MGAT1: variants seen among roughly 807,000 people sequenced by gnomAD.
The protein encoded by MGAT1 is alpha-1,3-mannosyl-glycoprotein 2-beta-N-acetylglucosaminyltransferase, also known as N-glycosyl-oligosaccharide-glycoprotein N-acetylglucosaminyltransferase I.
MGAT1 carries 14 observed loss-of-function variants against 31.7 expected under a neutral mutation model. That is an observed-to-expected ratio of 0.44 (90% CI 0.29 to 0.69). MGAT1 has a LOEUF of 0.69. Ranked by LOEUF, MGAT1 falls within the 30% of genes least tolerant of loss-of-function variation. The pLI is 0.12. For missense variants in MGAT1, 557 were observed against 626.0 expected (o/e 0.89, Z 1.18); for synonymous variants, 338 against 276.0 (o/e 1.22, Z -2.23).
intron 1 of MGAT1, among the ~76,000 whole-genome samples, chr5:180,814,367 C>G (rs1772740702): frequency 6.6e-6 from 1 of 152,208 alleles, no homozygotes; most frequent in African/African-American, 2.4e-5. Flanking sequence ...GTCAACCGCT[C>G]CCTTCTTCTG....
At chr5:180,803,054 G>A (rs1408778069), upstream of MGAT1, among the ~76,000 whole-genome samples, 4 of 152,220 alleles carry the variant, frequency 2.6e-5, no homozygotes, top group African/African-American at 9.6e-5. Flanking sequence ...AACCCTGAGG[G>A]TGGACGCCCG....
intron 1 of MGAT1, among the ~76,000 whole-genome samples, chr5:180,811,686 T>C (rs2113610543): frequency 6.6e-6 from 1 of 152,224 alleles, no homozygotes; most frequent in East Asian, 1.9e-4. Flanking sequence ...GTCGCTGGGT[T>C]TCCGTACAGC....
rs1440962153 is a variant in MGAT1, at chr5:180,788,924, G to A, written c.*2710C>T. On this transcript the variant is annotated 3_prime_UTR_variant, in exon 2 of 2. Coordinates refer to ENST00000307826, the MANE Select transcript of MGAT1 (RefSeq NM_002406.4). ...ATGCACTTGGCTAGCTGCATGACAT[G>A]CTATGCGCATGGAGCGTGGCGGCCA... 2.0e-5 allele frequency: 3 copies of A among 152,288 alleles called. No individual in the cohort carries two copies. Among genetic ancestry groups the A allele is most frequent in the Non-Finnish European group, 4.4e-5 (3 of 68,092 alleles). The allele number at this position is 152,288 out of a possible 1,614,324, so 9.4% of individuals were successfully genotyped here.
chr5:180,792,389 G>GGCCCAGC lies in MGAT1; in HGVS notation c.576_582dup (p.Gln195AlafsTer19). The stretch of plus-strand genomic sequence containing the variant: ...GGGAAGCGAAACTGCCGGAAGACCT[G>GGCCCAGC]GCCCAGCGCCCAGCGGTAGTGGCGC... On this transcript the variant is annotated frameshift_variant, in exon 2 of 2. Transcript: ENST00000307826. LOFTEE classifies it high-confidence loss of function. 3 of 1,610,722 alleles carry GGCCCAGC rather than the reference G, an allele frequency of 1.9e-6. No homozygotes were observed. The highest frequency in any genetic ancestry group is 2.5e-6 in the Non-Finnish European group (3 of 1,177,960).
intron 1 of MGAT1, chr5:180,795,478 G>A (rs1238416179): frequency 6.6e-6 from 1 of 152,104 alleles, no homozygotes; most frequent in African/African-American, 2.4e-5. Context: ...AGTGATAACT[G>A]ATTAATTCCA....
At chr5:180,811,587 G>A (rs1371658837) in intron 1 of MGAT1, among the ~76,000 whole-genome samples, 1 of 150,128 alleles carries the variant, frequency 6.7e-6, no homozygotes, top group Non-Finnish European at 1.5e-5. Context: ...CCTTCAATCT[G>A]TGTCTAGGAT....
intron 1 of MGAT1, among the ~76,000 whole-genome samples, chr5:180,793,519 A>G (rs530249825): frequency 6.6e-6 from 1 of 152,328 alleles, no homozygotes; most frequent in East Asian, 1.9e-4. Flanking sequence ...GAGGCACCCC[A>G]CGAATGTCAG....
chr5:180,798,250 A>ATTTTCT (rs1178253511), intron 1 of MGAT1, among the ~76,000 whole-genome samples: 1 of 151,646 alleles, frequency 6.6e-6, no homozygotes, highest in Admixed American at 6.6e-5. Flanking sequence ...CTTTCTCCCC[A>ATTTTCT]TTTTCTTTGC....
In MGAT1 at chr5:180,789,890, A is replaced by T. The variant is rs1378631442; in HGVS notation, c.*1744T>A. ...CGTGATCCGTCCGCCTCAGCCTCCC[A>T]AAGTGCTGGGATTACATGTGTAAGC... On this transcript the variant is annotated 3_prime_UTR_variant, in exon 2 of 2. Transcript: ENST00000307826. 3.3e-5 allele frequency: 5 copies of T among 151,336 alleles called. No individual in the cohort carries two copies. Among genetic ancestry groups the T allele is most frequent in the African/African-American group, 7.3e-5 (3 of 41,352 alleles). The allele number at this position is 151,336 out of a possible 1,614,324, so 9.4% of individuals were successfully genotyped here.
chr5:180,794,642 G>A (rs1263159309), intron 1 of MGAT1, among the ~76,000 whole-genome samples: 4 of 152,066 alleles, frequency 2.6e-5, no homozygotes, highest in Non-Finnish European at 4.4e-5. Flanking sequence ...CTTGAATATG[G>A]TTTGTTCTCT....
upstream of MGAT1, among the ~76,000 whole-genome samples, chr5:180,806,747 C>T (rs903210647): frequency 1.3e-5 from 2 of 152,244 alleles, no homozygotes; most frequent in African/African-American, 4.8e-5. Flanking sequence ...ACAGACAAAA[C>T]AGATTGACTG....
In MGAT1 at chr5:180,790,346, C is replaced by T. The variant is rs932182153; in HGVS notation, c.*1288G>A. The T allele has an allele frequency of 6.6e-6, 1 of 152,476 alleles. No homozygotes were observed. Among genetic ancestry groups the T allele is most frequent in the African/African-American group, 2.4e-5 (1 of 41,456 alleles). 9.4% of individuals were successfully genotyped at this position (152,476 alleles called of 1,614,324 possible). On this transcript the variant is annotated 3_prime_UTR_variant, in exon 2 of 2. Transcript: ENST00000307826. ...GAGCACAGTCCGGGGCTCCTCTCCA[C>T]CTTGTGGCCTGGACTTCCTTTCCCA...
chr5:180,793,320 C>T (rs972061484), intron 1 of MGAT1, among the ~76,000 whole-genome samples: 1 of 152,102 alleles, frequency 6.6e-6, no homozygotes, highest in South Asian at 2.1e-4. Flanking sequence ...AGAAAAAGAA[C>T]CCCAACTCCC....
At chr5:180,805,983 T>G (rs374347675), upstream of MGAT1, among the ~76,000 whole-genome samples, 1 of 151,788 alleles carries the variant, frequency 6.6e-6, no homozygotes, top group African/African-American at 2.4e-5. Context: ...TATAAATAAT[T>G]AATTGAGTTA....
intron 1 of MGAT1, among the ~76,000 whole-genome samples, chr5:180,800,272 T>C: frequency 6.6e-6 from 1 of 152,222 alleles, no homozygotes; most frequent in Admixed American, 6.5e-5. Flanking sequence ...CCTTAGTAGG[T>C]ATCTACTCCT....
At position 180,788,571 on chromosome 5, in the gene MGAT1, C is replaced by G. The variant is rs1767739790; in HGVS notation, c.*3063G>C. The G allele has an allele frequency of 6.6e-6, 1 of 152,438 alleles. No homozygotes were observed. The highest frequency in any genetic ancestry group is 6.5e-5 in the Admixed American group (1 of 15,292). 9.4% of individuals were successfully genotyped at this position (152,438 alleles called of 1,614,324 possible). A position where few individuals can be genotyped will look rare whatever the true frequency, so the allele number is the denominator to read the frequency against. On this transcript the variant is annotated 3_prime_UTR_variant, in exon 2 of 2. Transcript: ENST00000307826. The stretch of plus-strand genomic sequence containing the variant: ...CTTGGGCAACTTCACCTCTGTGTGC[C>G]TGCTTCCTCACTGGTAAAACAGGAG...
chr5:180,794,400 AT>A lies in MGAT1; in HGVS notation c.-126-1304del, dbSNP rs888557253. Among the ~76,000 whole-genome samples the A allele has an allele frequency of 9.8e-5, 12 of 122,538 alleles. No homozygotes were observed. The South Asian group carries it at 1.9e-3, about 20-fold the overall frequency. 80.4% of individuals were successfully genotyped at this position (122,538 alleles called of 152,430 possible). A position where few individuals can be genotyped will look rare whatever the true frequency, so the allele number is the denominator to read the frequency against. ...GAGAGTGAGACTCTGTCTCAAAAAA[AT>A]TTTTTTTTATTATATATATATATAT... On this transcript the variant is annotated intron_variant, in intron 1 of 1. Coordinates refer to ENST00000307826, the MANE Select transcript of MGAT1 (RefSeq NM_002406.4).
chr5:180,792,895 A>G lies in MGAT1; in HGVS notation c.77T>C (p.Leu26Pro). Residue 26 changes from leucine to proline, a missense_variant, in exon 2 of 2, where the codon CTC (leucine) becomes CCC (proline). This residue lies in a region of MGAT1 where 167 missense variants were observed against 149.8 expected (regional missense o/e 1.11). Transcript: ENST00000307826. ...AGGTGCTGGGCGCGTCCAGAAGAAG[A>G]GGAGCAGCAGGGCATTCCAGGCCAC... ...LFVAWNALLLLFFWTRPAPGR... is the reference protein window; with the variant it reads ...LFVAWNALLLPFFWTRPAPGR... 1 of 1,607,732 alleles carries G rather than the reference A, an allele frequency of 6.2e-7. No individual in the cohort carries two copies. Among genetic ancestry groups the G allele is most frequent in the Non-Finnish European group, 8.5e-7 (1 of 1,177,566 alleles).
Position 180,790,028 on chromosome 5 carries a change from G to C in MGAT1, c.*1606C>G, listed in dbSNP as rs905092358. ...CAGTCTGTCTGTGTTCTGGGTATTA[G>C]CAAAACAGGCACTCTCACTGGGGTT... On this transcript the variant is annotated 3_prime_UTR_variant, in exon 2 of 2. Transcript: ENST00000307826. The C allele has an allele frequency of 2.6e-5, 4 of 152,184 alleles. No homozygotes were observed. The highest frequency in any genetic ancestry group is 9.7e-5 in the African/African-American group (4 of 41,434). 9.4% of individuals were successfully genotyped at this position (152,184 alleles called of 1,614,324 possible).
Sources: gnomAD v4.1 joint callset for allele counts (sites outside exome capture counted in the v4.1 genomes callset) on GRCh38, gnomAD v4.1.1 for gene constraint, gnomAD v4.1.1 regional missense constraint, MANE v1.5 for transcripts, NCBI Gene and HGNC (gene_info 2026-07-23, HGNC 2026-07-21) for gene names.